DTHD1: variants seen among roughly 807,000 people sequenced by gnomAD.
DTHD1 encodes death domain containing 1, also known as death domain-containing protein 1.
DTHD1 carries 59 observed loss-of-function variants against 74.8 expected under a neutral mutation model. The ratio of observed to expected loss-of-function variants is 0.79; its 90% CI spans 0.64 to 0.98. The LOEUF is 0.98. Among genes scored for constraint, DTHD1 ranks in the 50% least tolerant of loss-of-function variants. DTHD1 has a pLI of 0.00. For synonymous variants in DTHD1, 365 were observed against 371.1 expected (o/e 0.98, Z 0.19); for missense variants, 1,051 against 1,065.4 (o/e 0.99, Z 0.19).
chr4:36,306,428 A>G, intron 6 of DTHD1, 76 bp downstream of exon 6: 3 of 1,358,020 alleles, frequency 2.2e-6, no homozygotes, highest in Non-Finnish European at 2.9e-6. Flanking sequence ...GAAATGGAAT[A>G]GTAAGATTAA....
At chr4:36,338,969 G>T in intron 8 of DTHD1, 143 bp from the exon 9 acceptor site, 1 of 597,038 alleles carries the variant, frequency 1.7e-6, no homozygotes. Context: ...GAGCATGCAT[G>T]CACAAATACA....
chr4:36,282,047 T>A lies in DTHD1; in HGVS notation c.271+18T>A. 6.6e-7 allele frequency: 1 copy of A among 1,516,710 alleles called. No individual in the cohort carries two copies. The highest frequency in any genetic ancestry group is 8.9e-7 in the Non-Finnish European group (1 of 1,128,102). The allele number at this position is 1,516,710 out of a possible 1,614,324, so 94.0% of individuals were successfully genotyped here. On this transcript the variant is annotated intron_variant, in intron 1 of 9. Coordinates refer to ENST00000639862, the MANE Select transcript of DTHD1 (RefSeq NM_001170700.3). ...GAGAAAAGGCAAGTATTCTTTTTTT[T>A]AGTTTATTCTTTCTCTAAGAAATAT...
At chr4:36,301,285 G>T (rs976376020) in intron 5 of DTHD1, among the ~76,000 whole-genome samples, 5 of 152,184 alleles carry the variant, frequency 3.3e-5, no homozygotes, top group African/African-American at 1.2e-4. Flanking sequence ...TGCAGATGCA[G>T]TGGGAGCTTC....
intron 8 of DTHD1, among the ~76,000 whole-genome samples, chr4:36,322,406 G>A (rs537457804): frequency 1.4e-3 from 214 of 152,294 alleles, no homozygotes; most frequent in Non-Finnish European, 2.2e-3. Context: ...AGCATTAGAA[G>A]ATGGACAGAA....
chr4:36,294,808 A>T lies in DTHD1; in HGVS notation c.1412A>T (p.Asp471Val), dbSNP rs563179017. 4.5e-6 allele frequency: 7 copies of T among 1,547,074 alleles called. No individual in the cohort carries two copies. The East Asian group carries it at 1.7e-4, about 38-fold the overall frequency. Residue 471 changes from aspartate (D) to valine (V), a missense_variant, in exon 5 of 10, where the codon GAC (aspartate) becomes GTC (valine). Transcript: ENST00000639862. ...VLVQLKIQPV[D>V]PALVAHLKAQ... is the part of the protein sequence containing the mutation. ...TTTTTTGTTTAGATCCAACCAGTTG[A>T]CCCAGCTCTGGTGGCACATTTAAAA...
In DTHD1 at chr4:36,339,792, G is replaced by T. The variant is rs148859137; in HGVS notation, c.2398+623G>T. 2.1e-3 allele frequency among the ~76,000 whole-genome samples: 320 copies of T among 152,320 alleles called. 5 individuals are homozygous for T. Among genetic ancestry groups the T allele is most frequent in the Admixed American group, 5.6e-3 (86 of 15,296 alleles). ...CTAGTGCATCAGGTCCATTATGAAT[G>T]ATATGAGTTTGCCCTTACGGATTGG... On this transcript the variant is annotated intron_variant, in intron 9 of 9. Transcript: ENST00000639862.
chr4:36,312,083 CTACAGCAAGCTT>C (rs1393120530), intron 7 of DTHD1, among the ~76,000 whole-genome samples: 1 of 152,100 alleles, frequency 6.6e-6, no homozygotes, highest in Non-Finnish European at 1.5e-5. Context: ...TGGAAACAAG[CTACAGCAAGCTT>C]TCATTCTCTA....
At chr4:36,294,655 A>G (rs1756278223) in intron 4 of DTHD1, 140 bp from the exon 5 acceptor site, 1 of 692,668 alleles carries the variant, frequency 1.4e-6, no homozygotes, top group Admixed American at 3.8e-5. Flanking sequence ...TATAAAATGC[A>G]TTGTTGATTA....
chr4:36,305,364 G>C (rs1052479551), intron 5 of DTHD1, among the ~76,000 whole-genome samples: 1 of 152,136 alleles, frequency 6.6e-6, no homozygotes, highest in Non-Finnish European at 1.5e-5. Flanking sequence ...TGAAAGGCAT[G>C]TCTTACATGG....
At chr4:36,307,485 T>G (rs978492667) in intron 6 of DTHD1, among the ~76,000 whole-genome samples, 22 of 152,204 alleles carry the variant, frequency 1.4e-4, no homozygotes, top group African/African-American at 5.3e-4. Context: ...CACCTTAACC[T>G]GATTACTTCT....
At chr4:36,324,610 G>T (rs1028920624) in intron 8 of DTHD1, among the ~76,000 whole-genome samples, 1 of 151,806 alleles carries the variant, frequency 6.6e-6, no homozygotes, top group African/African-American at 2.4e-5. Flanking sequence ...CGTTAATTTA[G>T]CAACCACAAA....
Position 36,284,420 on chromosome 4 carries a change from C to T in DTHD1, c.716C>T (p.Thr239Ile), listed in dbSNP as rs1442564997. The T allele has an allele frequency of 6.5e-7, 1 of 1,537,058 alleles. No individual in the cohort carries two copies. ...AACATAAATGGCAACAGGGAAGAGA[C>T]TCATGGCATAATTCAGACAACAGAG... ...VENINGNREE[T>I]HGIIQTTETE... The change falls in exon 2 of 10, where the codon ACT becomes ATT. Residue 239 changes from threonine (T) to isoleucine (I), a missense_variant. By Grantham distance (89) the Thr-to-Ile change is moderately conservative (BLOSUM62 -1). Coordinates refer to ENST00000639862, the MANE Select transcript of DTHD1 (RefSeq NM_001170700.3).
intron 8 of DTHD1, among the ~76,000 whole-genome samples, chr4:36,335,634 A>G (rs1299692803): frequency 6.6e-6 from 1 of 152,158 alleles, no homozygotes; most frequent in East Asian, 1.9e-4. Context: ...CGTTAAGTCT[A>G]TTGAGTAAAG....
At chr4:36,318,466 G>A (rs1757855443) in intron 8 of DTHD1, among the ~76,000 whole-genome samples, 1 of 152,138 alleles carries the variant, frequency 6.6e-6, no homozygotes, top group African/African-American at 2.4e-5. Context: ...CTGTTTTGGG[G>A]GAGATCCCGT....
At chr4:36,289,591 G>A (rs998211227) in intron 2 of DTHD1, among the ~76,000 whole-genome samples, 1 of 152,016 alleles carries the variant, frequency 6.6e-6, no homozygotes, top group East Asian at 1.9e-4. Context: ...CAATAGTTGT[G>A]AGAATAGTGT....
chr4:36,345,942 C>T lies in DTHD1; in HGVS notation c.*2118C>T, dbSNP rs1026909021. Among the ~76,000 whole-genome samples the T allele has an allele frequency of 3.9e-5, 6 of 152,074 alleles. No individual in the cohort carries two copies. Among genetic ancestry groups the T allele is most frequent in the Non-Finnish European group, 8.8e-5 (6 of 68,012 alleles). The stretch of plus-strand genomic sequence containing the variant: ...CCATCACACACATCCCTGCCACACA[C>T]CTCTCACAAATGCACCCTCAAACAC... On this transcript the variant is annotated 3_prime_UTR_variant, in exon 10 of 10. Coordinates refer to ENST00000639862, the MANE Select transcript of DTHD1 (RefSeq NM_001170700.3).
intron 5 of DTHD1, among the ~76,000 whole-genome samples, chr4:36,301,431 C>T (rs560391333): frequency 1.3e-5 from 2 of 152,086 alleles, no homozygotes; most frequent in East Asian, 1.9e-4. Context: ...GAGTTGTCGA[C>T]AGCCGTGATT....
chr4:36,312,331 T>G (rs974271529), intron 7 of DTHD1, among the ~76,000 whole-genome samples: 1 of 151,920 alleles, frequency 6.6e-6, no homozygotes, highest in Non-Finnish European at 1.5e-5. Flanking sequence ...ATAGGATGTA[T>G]CTCTACATCT....
chr4:36,293,834 C>T lies in DTHD1; in HGVS notation c.1398+129C>T, dbSNP rs373811454. ...ATGGATTATTTTCTTGTAGTTGTAACGGCCTAATATATAGTGATATCAGCA... is the reference window on the plus strand; with the variant it reads ...ATGGATTATTTTCTTGTAGTTGTAATGGCCTAATATATAGTGATATCAGCA... On this transcript the variant is annotated intron_variant, in intron 4 of 9. Transcript: ENST00000639862. 1,158 of 724,402 alleles carry T rather than the reference C, an allele frequency of 1.6e-3. 22 individuals are homozygous for T. In the South Asian group the frequency reaches 0.027, roughly 17 times the overall value. The allele number at this position is 724,402 out of a possible 1,614,324, so 44.9% of individuals were successfully genotyped here. A position where few individuals can be genotyped will look rare whatever the true frequency, so the allele number is the denominator to read the frequency against.
Sources: allele counts gnomAD v4.1 joint callset (sites outside exome capture counted in the v4.1 genomes callset), GRCh38; gene constraint gnomAD v4.1.1; transcripts MANE v1.5; gene names NCBI Gene and HGNC (gene_info 2026-07-23, HGNC 2026-07-21).